The following MTUS2 variants were observed in gnomAD, a reference collection of about 807,000 sequenced individuals.
MTUS2 encodes microtubule associated scaffold protein 2.
In MTUS2, 40 loss-of-function variants were observed where a neutral mutation model predicts 114.1. That is an observed-to-expected ratio of 0.35 (90% confidence interval 0.27 to 0.46). The LOEUF is 0.46. Among genes scored for constraint, MTUS2 ranks in the 20% least tolerant of loss-of-function variants. MTUS2 has a pLI of 1.00. For missense variants in MTUS2, 1,679 were observed against 1,705.4 expected (o/e 0.98, Z 0.27); for synonymous variants, 688 against 672.0 (o/e 1.02, Z -0.37).
At chr13:28,914,124 G>C (rs1362180988) in intron 2 of MTUS2, among the ~76,000 whole-genome samples, 1 of 151,946 alleles carries the variant, frequency 6.6e-6, no homozygotes, top group East Asian at 1.9e-4. Flanking sequence ...GTTCCACTCT[G>C]ATCTTGGTTA....
chr13:29,286,649 T>C (rs939606148), intron 6 of MTUS2, among the ~76,000 whole-genome samples: 1 of 146,592 alleles, frequency 6.8e-6, no homozygotes, highest in Non-Finnish European at 1.5e-5. Context: ...GCACTATCTA[T>C]CTGTCTGTCT....
intron 2 of MTUS2, 57 bp from the exon 3 acceptor site, chr13:29,024,400 T>C (rs1886416916): frequency 3.0e-6 from 1 of 331,984 alleles, no homozygotes; most frequent in South Asian, 1.3e-4. Flanking sequence ...ACCACTTTTT[T>C]CTCCTGAGAA....
Position 29,041,515 on chromosome 13 carries a change from T to G in MTUS2, c.2446+7390T>G, listed in dbSNP as rs1316537424. Among the ~76,000 whole-genome samples the G allele has an allele frequency of 2.0e-5, 3 of 152,318 alleles. No homozygotes were observed. In the East Asian group the frequency reaches 5.8e-4, roughly 29 times the overall value. On this transcript the variant is annotated intron_variant, in intron 4 of 15. Transcript: ENST00000612955. ...GTATATTGATGGAAATTGCCTTGAA[T>G]TTGTAGATTGCTTTTGGCAGTGTGG...
chr13:29,241,478 C>G (rs1301100471), intron 5 of MTUS2, among the ~76,000 whole-genome samples: 1 of 152,160 alleles, frequency 6.6e-6, no homozygotes, highest in Non-Finnish European at 1.5e-5. Context: ...GCACACTATA[C>G]TGACTCTCTC....
intron 4 of MTUS2, among the ~76,000 whole-genome samples, chr13:29,062,243 C>T (rs1335993037): frequency 1.3e-5 from 2 of 152,194 alleles, no homozygotes; most frequent in Non-Finnish European, 2.9e-5. Context: ...GCCTCAGCCT[C>T]CCAAAGTGCT....
At chr13:29,349,969 G>A (rs1055511097) in intron 7 of MTUS2, among the ~76,000 whole-genome samples, 2 of 151,916 alleles carry the variant, frequency 1.3e-5, no homozygotes, top group South Asian at 2.1e-4. Flanking sequence ...CTAATTCTTC[G>A]TCTTCAGGGA....
chr13:29,038,126 T>A (rs1311847949), intron 4 of MTUS2, among the ~76,000 whole-genome samples: 2 of 152,264 alleles, frequency 1.3e-5, no homozygotes, highest in African/African-American at 4.8e-5. Context: ...CTTTTTGTGC[T>A]GGTTTTCCCT....
At position 29,161,361 on chromosome 13, in the gene MTUS2, GAA is replaced by G. The variant is rs536944017; in HGVS notation, c.2644+60397_2644+60398del. The stretch of plus-strand genomic sequence containing the variant: ...TTTCATGTGAGTGATATAATTGAAG[GAA>G]AAAAATAATTTTAAAGTTATGATTT... On this transcript the variant is annotated intron_variant, in intron 5 of 15. Transcript: ENST00000612955. Among the ~76,000 whole-genome samples the G allele has an allele frequency of 4.7e-3, 713 of 151,254 alleles. 8 individuals are homozygous for G. The highest frequency in any genetic ancestry group is 0.016 in the African/African-American group (679 of 41,270).
chr13:29,165,094 CTT>C (rs1477781958), intron 5 of MTUS2, among the ~76,000 whole-genome samples: 2 of 152,194 alleles, frequency 1.3e-5, no homozygotes, highest in Non-Finnish European at 2.9e-5. Flanking sequence ...ACTGTGGGCT[CTT>C]CCTCCTCCCT....
intron 8 of MTUS2, among the ~76,000 whole-genome samples, chr13:29,364,342 G>A (rs1566155724): frequency 6.6e-6 from 1 of 152,122 alleles, no homozygotes; most frequent in African/African-American, 2.4e-5. Context: ...AACACCCGAT[G>A]CCTGCTGTCT....
chr13:29,174,052 A>G (rs910701824), intron 5 of MTUS2, among the ~76,000 whole-genome samples: 1 of 152,136 alleles, frequency 6.6e-6, no homozygotes, highest in Admixed American at 6.6e-5. Context: ...GTCTGATTTC[A>G]TTTGATTTTA....
chr13:29,021,130 G>A lies in MTUS2; in HGVS notation c.-242-3327G>A, dbSNP rs140406858. Among the ~76,000 whole-genome samples, 859 of 152,280 alleles carry A rather than the reference G, an allele frequency of 5.6e-3. 7 individuals are homozygous for A. The highest frequency in any genetic ancestry group is 0.02 in the Middle Eastern group (6 of 294). ...AAAAATTAAAAAATTAGCCAGATGT[G>A]GTGGTGTGCACCTGGAGTGCCAGCT... On this transcript the variant is annotated intron_variant, in intron 2 of 15. Coordinates refer to ENST00000612955, the MANE Select transcript of MTUS2 (RefSeq NM_001033602.4).
intron 7 of MTUS2, among the ~76,000 whole-genome samples, chr13:29,333,918 A>G (rs888522984): frequency 1.3e-5 from 2 of 152,182 alleles, no homozygotes; most frequent in Non-Finnish European, 2.9e-5. Flanking sequence ...TTCTTGTTGC[A>G]TTGATCCCGT....
At chr13:28,955,391 G>A (rs1406791306) in intron 2 of MTUS2, among the ~76,000 whole-genome samples, 1 of 152,210 alleles carries the variant, frequency 6.6e-6, no homozygotes, top group Non-Finnish European at 1.5e-5. Context: ...CCTTTATCTT[G>A]TTGTCAGCAT....
intron 2 of MTUS2, among the ~76,000 whole-genome samples, chr13:28,920,415 A>G (rs527853540): frequency 1.1e-3 from 174 of 152,250 alleles, no homozygotes; most frequent in Middle Eastern, 3.4e-3. Flanking sequence ...CCAAACAATC[A>G]GAGTCTCTGT....
At chr13:29,145,495 G>A (rs1258290437) in intron 5 of MTUS2, among the ~76,000 whole-genome samples, 1 of 152,116 alleles carries the variant, frequency 6.6e-6, no homozygotes, top group African/African-American at 2.4e-5. Flanking sequence ...ACTCCAGCCT[G>A]GGTGACAGAG....
intron 2 of MTUS2, among the ~76,000 whole-genome samples, chr13:29,005,023 C>T (rs12585070): frequency 6.6e-6 from 1 of 152,146 alleles, no homozygotes; most frequent in Non-Finnish European, 1.5e-5. Flanking sequence ...ACCAACACCT[C>T]GTGCCTGCCA....
chr13:29,305,852 C>G (rs577170776), intron 6 of MTUS2, among the ~76,000 whole-genome samples: 1 of 152,306 alleles, frequency 6.6e-6, no homozygotes, highest in Non-Finnish European at 1.5e-5. Context: ...AACTTCAGGC[C>G]AGTATCCTTG....
chr13:28,848,208 A>C (rs781231136), intron 2 of MTUS2, among the ~76,000 whole-genome samples: 2 of 152,172 alleles, frequency 1.3e-5, no homozygotes, highest in African/African-American at 4.8e-5. Flanking sequence ...AGAATTTACT[A>C]TCTTTCCAAG....
Sources: gnomAD v4.1 joint callset for allele counts (sites outside exome capture counted in the v4.1 genomes callset) on GRCh38, gnomAD v4.1.1 for gene constraint, MANE v1.5 for transcripts, NCBI Gene and HGNC (gene_info 2026-07-23, HGNC 2026-07-21) for gene names.